UBE2J1: variants seen among roughly 807,000 people sequenced by gnomAD.
The protein encoded by UBE2J1 is ubiquitin conjugating enzyme E2 J1.
UBE2J1 carries 17 observed loss-of-function variants against 42.1 expected under a neutral mutation model. The ratio of observed to expected loss-of-function variants is 0.40; its 90% CI spans 0.28 to 0.61. UBE2J1 has a LOEUF of 0.61. Ranked by LOEUF, UBE2J1 falls within the 20% of genes least tolerant of loss-of-function variation. The pLI, the probability that UBE2J1 is intolerant of heterozygous loss-of-function variation, is 0.38. For synonymous variants in UBE2J1, 127 were observed against 137.2 expected (o/e 0.93, Z 0.52); for missense variants, 291 against 389.4 (o/e 0.75, Z 2.13).
chr6:89,351,414 G>A (rs1768478427), intron 1 of UBE2J1, among the ~76,000 whole-genome samples: 1 of 152,110 alleles, frequency 6.6e-6, no homozygotes, highest in South Asian at 2.1e-4. Flanking sequence ...ATTATGACCA[G>A]TTCTACACAC....
At chr6:89,335,790 C>G (rs1310775778) in intron 5 of UBE2J1, among the ~76,000 whole-genome samples, 2 of 151,886 alleles carry the variant, frequency 1.3e-5, no homozygotes, top group African/African-American at 2.4e-5. Flanking sequence ...TTAACAAGAT[C>G]AAATTATCTG....
At chr6:89,338,399 T>C in intron 4 of UBE2J1, 60 bp downstream of exon 4, 2 of 1,566,048 alleles carry the variant, frequency 1.3e-6, no homozygotes, top group Non-Finnish European at 1.8e-6. Context: ...AGTATTATAC[T>C]TCATAACTAT....
intron 1 of UBE2J1, among the ~76,000 whole-genome samples, chr6:89,345,367 C>T (rs759166255): frequency 6.6e-6 from 1 of 151,992 alleles, no homozygotes; most frequent in Non-Finnish European, 1.5e-5. Flanking sequence ...TTTGGGAGAC[C>T]GAGGCGAGTG....
intron 3 of UBE2J1, among the ~76,000 whole-genome samples, chr6:89,341,898 T>C (rs1442357163): frequency 6.6e-6 from 1 of 152,142 alleles, no homozygotes; most frequent in Non-Finnish European, 1.5e-5. Context: ...TCATCCCACA[T>C]AAACTCAATG....
chr6:89,341,637 T>C (rs1582485450), intron 3 of UBE2J1, among the ~76,000 whole-genome samples: 1 of 151,868 alleles, frequency 6.6e-6, no homozygotes, highest in African/African-American at 2.4e-5. Flanking sequence ...GGTGGGAGGA[T>C]AGCTTGAGCC....
At chr6:89,339,482 AGGAGAGGGGAT>A (rs1768190812) in intron 3 of UBE2J1, among the ~76,000 whole-genome samples, 1 of 1,580 alleles carries the variant, frequency 6.3e-4, no homozygotes, top group Non-Finnish European at 1.4e-3. Flanking sequence ...GGGAGGGGGG[AGGAGAGGGGAT>A]GGGGGAGGAG....
chr6:89,336,705 T>C (rs897800579), intron 5 of UBE2J1, among the ~76,000 whole-genome samples: 4 of 152,174 alleles, frequency 2.6e-5, no homozygotes, highest in African/African-American at 4.8e-5. Context: ...CCTTTGAGAA[T>C]TGGTTATATA....
rs1021935727 is a variant in UBE2J1, at chr6:89,352,495, G to A, written c.31+44C>T. ...GAGGCGGCGACCACCCCGGGGTCCA[G>A]GGTCACTCCGCCCTCCTCGCCCAGG... On this transcript the variant is annotated intron_variant, in intron 1 of 7. Transcript: ENST00000435041. 2.8e-5 allele frequency: 44 copies of A among 1,544,312 alleles called. No homozygotes were observed. In the Middle Eastern group the frequency reaches 8.9e-4, roughly 31 times the overall value.
At chr6:89,330,065 G>T in intron 7 of UBE2J1, 108 bp from the exon 8 acceptor site, 1 of 1,062,636 alleles carries the variant, frequency 9.4e-7, no homozygotes, top group Non-Finnish European at 1.4e-6. Context: ...ATGACTAAGG[G>T]CAACACTACC....
chr6:89,338,922 C>T (rs907449648), intron 3 of UBE2J1, among the ~76,000 whole-genome samples: 6 of 152,004 alleles, frequency 3.9e-5, no homozygotes, highest in Non-Finnish European at 8.8e-5. Flanking sequence ...ACCTTGGCCT[C>T]CCAAAGTGCT....
In UBE2J1 at chr6:89,338,232, G is replaced by A; in HGVS notation, c.401C>T (p.Pro134Leu). Residue 134 changes from proline (P) to leucine (L), a missense_variant, in exon 5 of 8, where the codon CCT (proline) becomes CTT (leucine). Physicochemically the swap from Pro to Leu is moderately conservative, Grantham distance 98 (BLOSUM62 -3). Around this residue, in one of 2 missense-constraint regions of UBE2J1, gnomAD observed 115 missense variants for 193.1 expected, o/e 0.60. Coordinates refer to ENST00000435041, the MANE Select transcript of UBE2J1 (RefSeq NM_016021.3). ...EGAIGSLDYT[P>L]EERRALAKKS... is the part of the protein sequence containing the mutation. ...TTTGGCAAGTGCTCTTCTTTCCTCA[G>A]GAGTGTAATCTAGAGAACCTATGGC... The A allele has an allele frequency of 6.2e-7, 1 of 1,613,444 alleles. No homozygotes were observed. The highest frequency in any genetic ancestry group is 8.5e-7 in the Non-Finnish European group (1 of 1,179,758).
At chr6:89,334,269 C>T (rs1171532623) in intron 6 of UBE2J1, among the ~76,000 whole-genome samples, 1 of 152,060 alleles carries the variant, frequency 6.6e-6, no homozygotes, top group Non-Finnish European at 1.5e-5. Context: ...TCCCAAAGTG[C>T]TGGGATTACA....
intron 7 of UBE2J1, among the ~76,000 whole-genome samples, chr6:89,332,739 C>T (rs1195795337): frequency 6.6e-6 from 1 of 152,172 alleles, no homozygotes. Flanking sequence ...TGCAGCTGAA[C>T]AATCCTGCCA....
chr6:89,334,141 T>A (rs989449702), intron 6 of UBE2J1, among the ~76,000 whole-genome samples: 7 of 151,920 alleles, frequency 4.6e-5, no homozygotes, highest in African/African-American at 1.7e-4. Context: ...GTAGCTGGGA[T>A]TACAGGCACA....
chr6:89,340,246 G>A (rs976680356), intron 3 of UBE2J1, among the ~76,000 whole-genome samples: 1 of 152,124 alleles, frequency 6.6e-6, no homozygotes, highest in Non-Finnish European at 1.5e-5. Flanking sequence ...AGAGTGTAAT[G>A]TTGAAAATCA....
At chr6:89,344,178 T>C (rs1052335308) in intron 1 of UBE2J1, among the ~76,000 whole-genome samples, 5 of 151,540 alleles carry the variant, frequency 3.3e-5, no homozygotes, top group African/African-American at 1.2e-4. Flanking sequence ...ATGACAGAGA[T>C]GGGATTCCAA....
chr6:89,328,826 T>C lies in UBE2J1; in HGVS notation c.*853A>G, dbSNP rs1767952186. 1 of 152,200 alleles carries C rather than the reference T, an allele frequency of 6.6e-6. No individual in the cohort carries two copies. The highest frequency in any genetic ancestry group is 1.5e-5 in the Non-Finnish European group (1 of 68,028). 9.4% of individuals were successfully genotyped at this position (152,200 alleles called of 1,614,324 possible). Reference sequence around the variant, plus strand: ...GAATAATTAAAATTTATACTGATTATAAAGCTAGGCATATAATACATCCCA... The same window carrying C: ...GAATAATTAAAATTTATACTGATTACAAAGCTAGGCATATAATACATCCCA... On this transcript the variant is annotated 3_prime_UTR_variant, in exon 8 of 8. Transcript: ENST00000435041.
At chr6:89,338,907 T>C (rs372964803) in intron 3 of UBE2J1, among the ~76,000 whole-genome samples, 543 of 151,986 alleles carry the variant, frequency 3.6e-3, no homozygotes, top group Admixed American at 5.4e-3. Context: ...CCTTGTGATC[T>C]GCCCACCTTG....
chr6:89,349,224 C>G (rs1044297698), intron 1 of UBE2J1, among the ~76,000 whole-genome samples: 1 of 151,570 alleles, frequency 6.6e-6, no homozygotes, highest in African/African-American at 2.4e-5. Flanking sequence ...GAGACCCTGC[C>G]TCAAAAAAAA....
Sources: allele counts gnomAD v4.1 joint callset (sites outside exome capture counted in the v4.1 genomes callset), GRCh38; gene constraint gnomAD v4.1.1; regional missense constraint gnomAD v4.1.1; transcripts MANE v1.5; gene names NCBI Gene and HGNC (gene_info 2026-07-23, HGNC 2026-07-21).